Variants in CLCN5 observed in about 807,000 individuals in gnomAD.
CLCN5 encodes the protein Cl-/H+ antiporter 5.
In CLCN5, 17 loss-of-function variants were observed where a neutral mutation model predicts 54.0. The ratio of observed to expected loss-of-function variants is 0.31; its 90% CI spans 0.22 to 0.47. The LOEUF (loss-of-function observed/expected upper bound fraction) is 0.47, where lower values mean the gene tolerates loss of function less well. CLCN5 is among the 20% of genes least tolerant of loss of function. The probability of loss-of-function intolerance (pLI) is 1.00; values close to 1 mark genes in which losing one functional copy is unlikely to be tolerated. For missense variants in CLCN5, 448 were observed against 646.7 expected, an observed-to-expected ratio of 0.69 and a Z score of 3.33; for synonymous variants, 222 against 233.0, an observed-to-expected ratio of 0.95 and a Z score of 0.43.
In CLCN5 at chrX:49,965,007, T is replaced by C. The variant is rs1269330982; in HGVS notation, c.16+39693T>C. ...GTATGTACAATGACTGAAAATTGTG[T>C]CATGTACAACAAAATATATGTACTC... On this transcript the variant is annotated intron_variant, in intron 3 of 14. Coordinates refer to ENST00000376091, the MANE Select transcript of CLCN5 (RefSeq NM_001127898.4). Among the ~76,000 whole-genome samples the C allele has an allele frequency of 2.7e-5, 3 of 111,689 alleles. No individual in the cohort carries two copies. The East Asian group carries it at 8.4e-4, about 31-fold the overall frequency.
At position 50,090,829 on chromosome X, in the gene CLCN5, T is replaced by G; in HGVS notation, c.2303T>G (p.Ile768Ser). Residue 768 changes from isoleucine (I) to serine (S), a missense_variant, in exon 14 of 15, where the codon ATC (isoleucine) becomes AGC (serine). Physicochemically the swap from Ile to Ser is moderately radical, Grantham distance 142. This residue lies in a region of CLCN5 where 297 missense variants were observed against 470.4 expected (regional missense o/e 0.63). Transcript: ENST00000376091. The stretch of plus-strand genomic sequence containing the variant: ...GTGACTGACCTTACACCCATGGAGA[T>G]CGTAGTGGATATTTTCCGAAAGCTG... The part of the protein sequence containing the change: ...FTVTDLTPME[I>S]VVDIFRKLGL... 8.3e-7 allele frequency: 1 copy of G among 1,211,362 alleles called. No individual in the cohort carries two copies. Among genetic ancestry groups the G allele is most frequent in the Non-Finnish European group, 1.1e-6 (1 of 895,374 alleles).
intron 3 of CLCN5, among the ~76,000 whole-genome samples, chrX:49,970,676 G>C (rs537905965): frequency 2.7e-5 from 3 of 111,895 alleles, no homozygotes; most frequent in African/African-American, 9.7e-5. Flanking sequence ...GGATATCTGG[G>C]TTGCTTCCAC....
At position 50,096,446 on chromosome X, in the gene CLCN5, G is replaced by A. The variant is rs1934264326; in HGVS notation, c.*4227G>A. The A allele has an allele frequency of 9.0e-6, 1 of 111,596 alleles. No homozygotes were observed. Among genetic ancestry groups the A allele is most frequent in the Non-Finnish European group, 1.9e-5 (1 of 52,988 alleles). The allele number at this position is 111,596 out of a possible 1,213,427, so 9.2% of individuals were successfully genotyped here. The stretch of plus-strand genomic sequence containing the variant: ...CAATTCCCCTGCCTCAGTCTCCCAA[G>A]TAGGTGGGACTACAGGCGCACACCA... On this transcript the variant is annotated 3_prime_UTR_variant, in exon 15 of 15. Coordinates refer to ENST00000376091, the MANE Select transcript of CLCN5 (RefSeq NM_001127898.4).
intron 3 of CLCN5, among the ~76,000 whole-genome samples, chrX:50,037,720 T>C (rs1363322213): frequency 4.5e-5 from 5 of 111,949 alleles, no homozygotes; most frequent in African/African-American, 1.6e-4. Context: ...AAGGTACATA[T>C]ATAGGAAGAG....
At chrX:49,975,855 T>A (rs1557176847) in intron 3 of CLCN5, among the ~76,000 whole-genome samples, 2 of 112,306 alleles carry the variant, frequency 1.8e-5, no homozygotes, top group African/African-American at 6.5e-5. Context: ...CTTCATCGCT[T>A]CATGGAAAGA....
intron 3 of CLCN5, among the ~76,000 whole-genome samples, chrX:49,992,595 A>T: frequency 8.9e-6 from 1 of 111,888 alleles, no homozygotes; most frequent in Non-Finnish European, 1.9e-5. Context: ...TTACACTGCT[A>T]AAGTCTATTG....
intron 3 of CLCN5, among the ~76,000 whole-genome samples, chrX:50,007,397 T>TTCTC (rs781888075): frequency 0.1 from 6,414 of 64,213 alleles, 337 homozygotes; most frequent in Non-Finnish European, 0.11. Flanking sequence ...CTCTCTCTCT[T>TTCTC]TCTCTCTCTC....
At chrX:50,013,997 C>T (rs782679463) in intron 3 of CLCN5, among the ~76,000 whole-genome samples, 1 of 112,217 alleles carries the variant, frequency 8.9e-6, no homozygotes, top group South Asian at 3.7e-4. Flanking sequence ...GTCTAGCAGG[C>T]TCATGGAGAA....
intron 10 of CLCN5, 28 bp from the exon 11 acceptor site, chrX:50,086,300 G>A: frequency 8.4e-7 from 1 of 1,192,618 alleles, no homozygotes; most frequent in South Asian, 1.8e-5. Flanking sequence ...TATTGACTGA[G>A]TTTGCTTTCT....
chrX:50,025,862 T>C (rs782352152), intron 3 of CLCN5, among the ~76,000 whole-genome samples: 1 of 112,005 alleles, frequency 8.9e-6, no homozygotes, highest in Admixed American at 9.5e-5. Flanking sequence ...TCTGTTGATG[T>C]CCTGTTTTCA....
At chrX:49,936,904 A>G (rs1445365055) in intron 3 of CLCN5, among the ~76,000 whole-genome samples, 1 of 111,696 alleles carries the variant, frequency 9.0e-6, no homozygotes, top group Non-Finnish European at 1.9e-5. Context: ...TGATATTTAC[A>G]TACTATGGAA....
chrX:50,049,952 TA>T (rs1932523552), intron 4 of CLCN5, among the ~76,000 whole-genome samples: 1 of 112,266 alleles, frequency 8.9e-6, no homozygotes, highest in South Asian at 3.7e-4. Context: ...TCATACAGAA[TA>T]TAACCTTTTT....
intron 9 of CLCN5, 24 bp downstream of exon 9, chrX:50,081,871 T>A (rs1380502139): frequency 8.6e-7 from 1 of 1,157,156 alleles, no homozygotes; most frequent in Non-Finnish European, 1.2e-6. Context: ...GCCTTAATAG[T>A]CTCTTTTTGG....
At chrX:50,049,881 AC>A (rs1247644951) in intron 4 of CLCN5, among the ~76,000 whole-genome samples, 1 of 111,835 alleles carries the variant, frequency 8.9e-6, no homozygotes, top group Non-Finnish European at 1.9e-5. Flanking sequence ...GTCCATGGCA[AC>A]CACTGACCTG....
intron 4 of CLCN5, among the ~76,000 whole-genome samples, chrX:50,059,623 A>C (rs1386180856): frequency 9.0e-6 from 1 of 111,395 alleles, no homozygotes; most frequent in African/African-American, 3.3e-5. Context: ...AGAGTAGAAA[A>C]GAATAAAAGA....
At chrX:49,938,836 C>T (rs1260321937) in intron 3 of CLCN5, among the ~76,000 whole-genome samples, 30 of 101,159 alleles carry the variant, frequency 3.0e-4, no homozygotes, top group Non-Finnish European at 5.6e-4. Context: ...AAGAAACCCC[C>T]ATCAGAGTGA....
intron 4 of CLCN5, among the ~76,000 whole-genome samples, chrX:50,066,814 A>G (rs992385684): frequency 8.9e-6 from 1 of 112,384 alleles, no homozygotes; most frequent in Non-Finnish European, 1.9e-5. Context: ...TTTCTTGACT[A>G]TACTCTGGGT....
chrX:50,086,042 A>T lies in CLCN5; in HGVS notation c.996A>T (p.Val332=), dbSNP rs1933873006. The change falls in exon 10 of 15, where the codon GTA becomes GTT. Residue 332 remains valine, a synonymous_variant. Coordinates refer to ENST00000376091, the MANE Select transcript of CLCN5 (RefSeq NM_001127898.4). The part of the protein sequence containing the change: ...SVAFGAPIGG[V]LFSLEEVSYY... ...CCTTTGGAGCACCTATAGGTGGAGT[A>T]TTATTCAGCCTTGAAGAGGTAACAA... 1 of 1,203,199 alleles carries T rather than the reference A, an allele frequency of 8.3e-7. No homozygotes were observed.
intron 4 of CLCN5, among the ~76,000 whole-genome samples, chrX:50,064,160 G>C (rs1175153944): frequency 9.2e-6 from 1 of 109,289 alleles, no homozygotes; most frequent in African/African-American, 3.3e-5. Flanking sequence ...TTCTGGCCAG[G>C]GCAATCAGGC....
Sources: gnomAD v4.1 joint callset for allele counts (sites outside exome capture counted in the v4.1 genomes callset) on GRCh38, gnomAD v4.1.1 for gene constraint, gnomAD v4.1.1 regional missense constraint, MANE v1.5 for transcripts, NCBI Gene and HGNC (gene_info 2026-07-23, HGNC 2026-07-21) for gene names.